The following SPAG8 variants were observed in gnomAD, a reference collection of about 807,000 sequenced individuals.
SPAG8 encodes the protein sperm associated antigen 8, also known as sperm-associated antigen 8.
In SPAG8, 36 loss-of-function variants were observed where a neutral mutation model predicts 45.3. The observed-to-expected ratio is 0.80, with a 90% CI of 0.61 to 1.05. The LOEUF (loss-of-function observed/expected upper bound fraction) is 1.05, where lower values mean the gene tolerates loss of function less well. Among genes scored for constraint, SPAG8 ranks in the 50% least tolerant of loss-of-function variants. The pLI, the probability that SPAG8 is intolerant of heterozygous loss-of-function variation, is 0.00. For missense variants in SPAG8, 573 were observed against 609.2 expected (o/e 0.94, Z 0.63); for synonymous variants, 227 against 232.6 (o/e 0.98, Z 0.22).
downstream of SPAG8, chr9:35,809,668 T>G: frequency 8.9e-7 from 1 of 1,125,028 alleles, no homozygotes; most frequent in South Asian, 1.2e-5. This position sits in a 1 kb window ranked among gnomAD's most constrained non-coding sequence, Gnocchi z 4.1. Context: ...TCTGTAAATA[T>G]CTGTATCTAA....
Position 35,811,726 on chromosome 9 carries a change from G to A in SPAG8, c.320C>T (p.Ala107Val), listed in dbSNP as rs375871919. The change falls in exon 2 of 7, where the codon GCC (alanine) becomes GTC (valine). Residue 107 changes from alanine (A) to valine (V), a missense_variant. Ala to Val is a moderately conservative substitution (Grantham distance 64). Transcript: ENST00000396638. ...GGGCTCAAAGCCAAGACTCCCATGG[G>A]CTATATTGTGGGTAAAGCCGGGTCC... ...CAGPGFTHNI[A>V]HGSLGFEPVY... 5.5e-5 allele frequency: 88 copies of A among 1,614,134 alleles called. No homozygotes were observed. The highest frequency in any genetic ancestry group is 1.7e-5 in the Admixed American group (1 of 60,010).
At chr9:35,808,630 G>C (rs1233257228), downstream of SPAG8, 2 of 1,613,826 alleles carry the variant, frequency 1.2e-6, no homozygotes, top group South Asian at 2.2e-5. This position sits in a 1 kb window ranked among gnomAD's most constrained non-coding sequence, Gnocchi z 4.0. Flanking sequence ...TCTTCCTTTC[G>C]CATCCGCCAC....
rs1166114310 is a variant in SPAG8 at position 35,811,299 on chromosome 9, T to C, written c.747A>G (p.Gln249=). Residue 249 remains glutamine, a synonymous_variant, in exon 2 of 7, where the codon CAA becomes CAG. Transcript: ENST00000396638. ...GTCCTCGGGCACCCGGTTCTAAGAC[T>C]TGCAAAAATTCCCAAGGTGGTTGTT... is the stretch of plus-strand genomic sequence containing the variant. ...PQKQPPWEFL[Q]VLEPGARGLW... 3 of 1,614,154 alleles carry C rather than the reference T, an allele frequency of 1.9e-6. No homozygotes were observed. Among genetic ancestry groups the C allele is most frequent in the Non-Finnish European group, 2.5e-6 (3 of 1,179,998 alleles).
At chr9:35,808,647 C>T (rs748601422), downstream of SPAG8, 1 of 1,614,214 alleles carries the variant, frequency 6.2e-7, no homozygotes, top group Non-Finnish European at 8.5e-7. This position sits in a 1 kb window ranked among gnomAD's most constrained non-coding sequence, Gnocchi z 4.0. Flanking sequence ...CCACCGACCC[C>T]ATGACCAGCT....
At position 35,811,525 on chromosome 9, in the gene SPAG8, C is replaced by T. The variant is rs746851192; in HGVS notation, c.521G>A (p.Gly174Asp). 6.2e-7 allele frequency: 1 copy of T among 1,605,712 alleles called. No individual in the cohort carries two copies. The highest frequency in any genetic ancestry group is 8.5e-7 in the Non-Finnish European group (1 of 1,175,302). The stretch of plus-strand genomic sequence containing the variant: ...GCCAGGACCAGAGCCAGGACCAGGA[C>T]CAGAGCCAGAGCCAGGGACAGAGCC... ...GCGSVPGSGS[G>D]PGPGSGPGSG... Residue 174 changes from glycine (G) to aspartate (D), a missense_variant, in exon 2 of 7, where the codon GGT becomes GAT. Physicochemically the swap from Gly to Asp is moderately conservative, Grantham distance 94. Coordinates refer to ENST00000396638, the MANE Select transcript of SPAG8 (RefSeq NM_001039592.2).
downstream of SPAG8, chr9:35,808,228 C>G: frequency 1.2e-6 from 2 of 1,614,186 alleles, no homozygotes; most frequent in Non-Finnish European, 1.7e-6. The surrounding 1 kb of genome is among the most constrained non-coding windows in gnomAD (Gnocchi z 4.0). Flanking sequence ...TTCCTGATGG[C>G]AGAGCCTATT....
At position 35,812,127 on chromosome 9, in the gene SPAG8, C is replaced by G. The variant is rs546624934; in HGVS notation, c.21G>C (p.Thr7=). METNES[T]EGSRSRSRSL... ...ACCGCGACCGCGACCGCGATCCCTC[C>G]GTAGACTCGTTGGTCTCCATCTTCA... The change falls in exon 1 of 7, where the codon ACG becomes ACC. Residue 7 remains threonine, a synonymous_variant. Coordinates refer to ENST00000396638, the MANE Select transcript of SPAG8 (RefSeq NM_001039592.2). The G allele has an allele frequency of 2.5e-6, 4 of 1,608,230 alleles. No homozygotes were observed. Among genetic ancestry groups the G allele is most frequent in the East Asian group, 2.2e-5 (1 of 44,888 alleles).
Position 35,811,235 on chromosome 9 carries a change from A to G in SPAG8, c.811T>C (p.Cys271Arg), listed in dbSNP as rs1371300845. ...TGGCCCCGCGGCAAAGTTTCATAGCAAACCATAAGCTTCCCTTTAATGTCT... is the reference window on the plus strand; with the variant it reads ...TGGCCCCGCGGCAAAGTTTCATAGCGAACCATAAGCTTCCCTTTAATGTCT... ...PPDIKGKLMV[C>R]YETLPRGQCL... is the part of the protein sequence containing the mutation. The change falls in exon 2 of 7, where the codon TGC becomes CGC. Residue 271 changes from cysteine to arginine, a missense_variant. Physicochemically the swap from Cys to Arg is radical, Grantham distance 180. Transcript: ENST00000396638. 6.3e-7 allele frequency: 1 copy of G among 1,599,542 alleles called. No individual in the cohort carries two copies. Among genetic ancestry groups the G allele is most frequent in the Admixed American group, 1.7e-5 (1 of 58,320 alleles).
Position 35,810,499 on chromosome 9 carries a change from A to G in SPAG8, c.1140T>C (p.Ser380=). Residue 380 remains serine, a synonymous_variant, in exon 5 of 7, where the codon TCT becomes TCC. Transcript: ENST00000396638. ...CCATTCGGTAGTCATGGTGTGTCAC[A>G]GACTCAACCTCGAAGAGCTTCCTTG... ...EPTRKLFEVE[S]VTHHDYRMEL... 2 of 1,614,208 alleles carry G rather than the reference A, an allele frequency of 1.2e-6. No individual in the cohort carries two copies. The highest frequency in any genetic ancestry group is 1.7e-6 in the Non-Finnish European group (2 of 1,180,034).
In SPAG8 at chr9:35,809,955, T is replaced by TC; in HGVS notation, c.1440dup (p.Arg481GlufsTer53). The TC allele has an allele frequency of 6.3e-7, 1 of 1,580,936 alleles. No individual in the cohort carries two copies. The stretch of plus-strand genomic sequence containing the variant: ...CTCACCCCTCAGAAAGGAGTCATTC[T>TC]CCCCCCTCCACCACCCAGCCTTCCT... On this transcript the variant is annotated frameshift_variant, in exon 7 of 7. Coordinates refer to ENST00000396638, the MANE Select transcript of SPAG8 (RefSeq NM_001039592.2). LOFTEE classifies it high-confidence loss of function. This position sits in a 1 kb window ranked among gnomAD's most constrained non-coding sequence, Gnocchi z 4.1.
At position 35,811,757 on chromosome 9, in the gene SPAG8, A is replaced by C. The variant is rs979091913; in HGVS notation, c.289T>G (p.Cys97Gly). The stretch of plus-strand genomic sequence containing the variant: ...TTGTGGGTAAAGCCGGGTCCCGCAC[A>C]GGGCTCCCCAAGAAGGCTGGGGTCA... Reference protein sequence around the residue: ...SSDPSLLGEPCAGPGFTHNIA... With the variant: ...SSDPSLLGEPGAGPGFTHNIA... The change falls in exon 2 of 7, where the codon TGT becomes GGT. Residue 97 changes from cysteine to glycine, a missense_variant. Cys to Gly is a radical substitution (Grantham distance 159). Transcript: ENST00000396638. 6.2e-7 allele frequency: 1 copy of C among 1,614,234 alleles called. No homozygotes were observed. Among genetic ancestry groups the C allele is most frequent in the Non-Finnish European group, 8.5e-7 (1 of 1,180,036 alleles).
Position 35,810,451 on chromosome 9 carries a change from A to AG in SPAG8, c.1187dup (p.Ala397CysfsTer14). 1 of 1,613,808 alleles carries AG rather than the reference A, an allele frequency of 6.2e-7. No individual in the cohort carries two copies. The highest frequency in any genetic ancestry group is 2.2e-5 in the East Asian group (1 of 44,832). ...GGTGGGTTCTCACCTTTGTTGGGGC[A>AG]GGAGTCCCTGCTTGTGCCAGCTCCA... On this transcript the variant is annotated frameshift_variant, in exon 5 of 7. Coordinates refer to ENST00000396638, the MANE Select transcript of SPAG8 (RefSeq NM_001039592.2). LOFTEE classifies it high-confidence loss of function.
rs151256946 is a variant in SPAG8 at position 35,811,887 on chromosome 9, C to G, written c.159G>C (p.Ala53=). 5 of 1,608,134 alleles carry G rather than the reference C, an allele frequency of 3.1e-6. No homozygotes were observed. The African/African-American group carries it at 5.4e-5, about 17-fold the overall frequency. ...ALAAATAAAA[A]AASAAAATAA... ...CAGTAGCTGCAGCAGCTGATGCAGC[C>G]GCTGCAGCTGCTGCGGTTGCAGCTG... is the stretch of plus-strand genomic sequence containing the variant. Residue 53 remains alanine, a synonymous_variant, in exon 2 of 7, where the codon GCG becomes GCC. Coordinates refer to ENST00000396638, the MANE Select transcript of SPAG8 (RefSeq NM_001039592.2).
At chr9:35,810,207 T>C (rs2132108446) in intron 6 of SPAG8, 40 bp downstream of exon 6, 1 of 1,611,664 alleles carries the variant, frequency 6.2e-7, no homozygotes. Flanking sequence ...CTACCTTTCC[T>C]GCCCCGCTCT....
chr9:35,809,732 T>G, downstream of SPAG8: 1 of 1,332,644 alleles, frequency 7.5e-7, no homozygotes, highest in African/African-American at 1.4e-5. This position sits in a 1 kb window ranked among gnomAD's most constrained non-coding sequence, Gnocchi z 4.1. Context: ...TCTGATGTCA[T>G]AGTGTGGGAT....
rs755846198 is a variant in SPAG8, at chr9:35,810,068, A to G, written c.1328T>C (p.Val443Ala). ...FRKNCSFSTPVPLSLGKLLPY... is the reference protein window; with the variant it reads ...FRKNCSFSTPAPLSLGKLLPY... ...CAAAAGTTTCCCCAGAGACAAGGGT[A>G]CTGGTGTTGAGAAGCTGCAGTTCTT... The change falls in exon 7 of 7, where the codon GTA becomes GCA. Residue 443 changes from valine (V) to alanine (A), a missense_variant. Physicochemically the swap from Val to Ala is moderately conservative, Grantham distance 64. Transcript: ENST00000396638. The G allele has an allele frequency of 2.5e-6, 4 of 1,613,632 alleles. No homozygotes were observed. Among genetic ancestry groups the G allele is most frequent in the African/African-American group, 1.3e-5 (1 of 74,938 alleles).
In SPAG8 at chr9:35,811,265, G is replaced by C. The variant is rs1315896431; in HGVS notation, c.781C>G (p.Pro261Ala). The C allele has an allele frequency of 6.2e-7, 1 of 1,613,186 alleles. No individual in the cohort carries two copies. The highest frequency in any genetic ancestry group is 1.7e-5 in the Admixed American group (1 of 59,934). ...LEPGARGLWK[P>A]PDIKGKLMVC... ...ATAAGCTTCCCTTTAATGTCTGGGG[G>C]TTTCCATAGTCCTCGGGCACCCGGT... Residue 261 changes from proline (P) to alanine (A), a missense_variant, in exon 2 of 7, where the codon CCC becomes GCC. Transcript: ENST00000396638.
chr9:35,810,921 G>A lies in SPAG8; in HGVS notation c.1001C>T (p.Ser334Leu), dbSNP rs771395602. 1.2e-5 allele frequency: 20 copies of A among 1,613,864 alleles called. No individual in the cohort carries two copies. The East Asian group carries it at 3.8e-4, about 31-fold the overall frequency. Residue 334 changes from serine (S) to leucine (L), a missense_variant, in exon 3 of 7, where the codon TCG (serine) becomes TTG (leucine). Transcript: ENST00000396638. ...ATAGACGTTTCCTGGTGGCTGGTACGAGTCTTTCTGGGTGGTGCTGGAGGG... is the reference window on the plus strand; with the variant it reads ...ATAGACGTTTCCTGGTGGCTGGTACAAGTCTTTCTGGGTGGTGCTGGAGGG... ...PMPSSTTQKDSYQPPGNVYWP... is the reference protein window; with the variant it reads ...PMPSSTTQKDLYQPPGNVYWP...
downstream of SPAG8, chr9:35,809,349 A>C: frequency 6.2e-7 from 1 of 1,613,724 alleles, no homozygotes; most frequent in Non-Finnish European, 8.5e-7. This position sits in a 1 kb window ranked among gnomAD's most constrained non-coding sequence, Gnocchi z 4.1. Flanking sequence ...ACATCGAAGC[A>C]TCTGAATCAT....
Sources: allele counts gnomAD v4.1 joint callset, GRCh38; gene constraint gnomAD v4.1.1; non-coding constraint Gnocchi (gnomAD v3.1); transcripts MANE v1.5; gene names NCBI Gene and HGNC (gene_info 2026-07-23, HGNC 2026-07-21).